Variants in USP43 observed in about 807,000 individuals in gnomAD.
USP43 encodes the protein ubiquitin carboxyl-terminal hydrolase 43.
USP43 carries 33 observed loss-of-function variants against 90.7 expected under a neutral mutation model. The ratio of observed to expected loss-of-function variants is 0.36; its 90% confidence interval spans 0.28 to 0.49. The LOEUF (loss-of-function observed/expected upper bound fraction) is 0.49. Ranked by LOEUF, USP43 falls within the 20% of genes least tolerant of loss-of-function variation. USP43 has a pLI of 0.98. For synonymous variants in USP43, 598 were observed against 615.8 expected (o/e 0.97, Z 0.43); for missense variants, 1,274 against 1,476.4 (o/e 0.86, Z 2.25).
chr17:9,681,462 T>TTTTTTATATATATATATA (rs1491455898), intron 6 of USP43, among the ~76,000 whole-genome samples: 2 of 18,580 alleles, frequency 1.1e-4, no homozygotes, highest in African/African-American at 2.6e-4. Context: ...ATAAAATATA[T>TTTTTTATATATATATATA]TATATATATA....
In USP43 at chr17:9,702,746, G is replaced by A. The variant is rs188509408; in HGVS notation, c.2011+1046G>A. On this transcript the variant is annotated intron_variant, in intron 12 of 14. Transcript: ENST00000285199. Reference sequence around the variant, plus strand: ...GCTGCGGCAATTGAGTGTCTCCACCGTGCAGATAGTGTGGAGGGTCATCGG... The same window carrying A: ...GCTGCGGCAATTGAGTGTCTCCACCATGCAGATAGTGTGGAGGGTCATCGG... Among the ~76,000 whole-genome samples, 8 of 152,326 alleles carry A rather than the reference G, an allele frequency of 5.3e-5. 1 individual carries two copies. The highest frequency in any genetic ancestry group is 1.4e-4 in the African/African-American group (6 of 41,572).
At chr17:9,720,931 C>G (rs1916921009) in intron 14 of USP43, among the ~76,000 whole-genome samples, 1 of 152,196 alleles carries the variant, frequency 6.6e-6, no homozygotes, top group Admixed American at 6.5e-5. Context: ...CAGCAGCTCT[C>G]TGTATAGAAA....
At chr17:9,706,721 G>C (rs1282885575) in intron 12 of USP43, among the ~76,000 whole-genome samples, 12 of 132,800 alleles carry the variant, frequency 9.0e-5, no homozygotes, top group Non-Finnish European at 1.7e-4. Context: ...TCGGCTCACT[G>C]CAACCTCTGC....
At chr17:9,684,951 G>A (rs1309500810) in intron 7 of USP43, among the ~76,000 whole-genome samples, 3 of 152,144 alleles carry the variant, frequency 2.0e-5, no homozygotes, top group Admixed American at 1.3e-4. Flanking sequence ...AGTTTGGGAA[G>A]AAAGAGCTTT....
At chr17:9,649,403 G>T (rs1911699410) in intron 1 of USP43, among the ~76,000 whole-genome samples, 1 of 151,596 alleles carries the variant, frequency 6.6e-6, no homozygotes, top group Admixed American at 6.6e-5. Flanking sequence ...AGATTCAGTG[G>T]GTACATGTGC....
At chr17:9,727,637 A>G (rs1447384131) in intron 14 of USP43, among the ~76,000 whole-genome samples, 1 of 152,172 alleles carries the variant, frequency 6.6e-6, no homozygotes, top group African/African-American at 2.4e-5. Context: ...TTAAAGATAG[A>G]TGAAACTGAT....
chr17:9,652,212 C>CAAAAA (rs769295315), intron 1 of USP43, among the ~76,000 whole-genome samples: 20 of 41,754 alleles, frequency 4.8e-4, no homozygotes, highest in Admixed American at 7.7e-4. Context: ...GCCCTTAGCG[C>CAAAAA]AAAAAAAAAA....
At chr17:9,724,615 G>A (rs1264976625) in intron 14 of USP43, among the ~76,000 whole-genome samples, 3 of 151,778 alleles carry the variant, frequency 2.0e-5, no homozygotes, top group Admixed American at 6.6e-5. Context: ...GGGAGGTGGA[G>A]GTTGCAGTGA....
intron 3 of USP43, among the ~76,000 whole-genome samples, chr17:9,673,328 A>C (rs1913562206): frequency 6.6e-6 from 1 of 152,114 alleles, no homozygotes; most frequent in African/African-American, 2.4e-5. Context: ...AACATAGTGA[A>C]TCCCCCGTCT....
intron 8 of USP43, among the ~76,000 whole-genome samples, chr17:9,689,966 T>G (rs963570976): frequency 6.6e-6 from 1 of 152,188 alleles, no homozygotes; most frequent in African/African-American, 2.4e-5. Flanking sequence ...GTCATCTTAC[T>G]TCCAGACGTT....
intron 12 of USP43, among the ~76,000 whole-genome samples, chr17:9,706,333 C>A (rs1276980831): frequency 1.3e-5 from 2 of 152,118 alleles, no homozygotes; most frequent in Non-Finnish European, 2.9e-5. Context: ...TTTTGCCATG[C>A]AGAAAGTTTT....
At chr17:9,652,960 C>T (rs964157805) in intron 1 of USP43, among the ~76,000 whole-genome samples, 4 of 151,804 alleles carry the variant, frequency 2.6e-5, no homozygotes, top group African/African-American at 4.8e-5. Flanking sequence ...CTTCTATGAC[C>T]GGATTATTAT....
intron 12 of USP43, among the ~76,000 whole-genome samples, chr17:9,706,253 T>C (rs947644306): frequency 6.6e-5 from 10 of 152,242 alleles, no homozygotes; most frequent in Non-Finnish European, 1.5e-4. Context: ...TTCACCTCTT[T>C]TCTGTAATAT....
intron 12 of USP43, among the ~76,000 whole-genome samples, chr17:9,707,016 C>G (rs1345555885): frequency 2.0e-5 from 3 of 152,128 alleles, no homozygotes; most frequent in Admixed American, 6.5e-5. Context: ...TGGTAACTTT[C>G]AAGCTGCCAT....
At position 9,728,339 on chromosome 17, in the gene USP43, T is replaced by A. The variant is rs1455136185; in HGVS notation, c.2721T>A (p.Asp907Glu). 6.2e-7 allele frequency: 1 copy of A among 1,612,158 alleles called. No homozygotes were observed. The highest frequency in any genetic ancestry group is 8.5e-7 in the Non-Finnish European group (1 of 1,179,138). Residue 907 changes from aspartate (D) to glutamate (E), a missense_variant, in exon 15 of 15, where the codon GAT (aspartate) becomes GAA (glutamate). Asp to Glu is a conservative substitution (Grantham distance 45). Coordinates refer to ENST00000285199, the MANE Select transcript of USP43 (RefSeq NM_153210.5). The surrounding 1 kb of genome is among the most constrained non-coding windows in gnomAD (Gnocchi z 6.2). ...ACTGTCTGGCCCCTGGAAACTCAGA[T>A]GGTCCAAACACAGCAAGGAAACTCA... ...PNHCLAPGNS[D>E]GPNTARKLKE...
At chr17:9,689,949 C>T (rs1265067266) in intron 8 of USP43, among the ~76,000 whole-genome samples, 1 of 152,136 alleles carries the variant, frequency 6.6e-6, no homozygotes, top group African/African-American at 2.4e-5. Flanking sequence ...CAATCAAAGC[C>T]CCTGAAGTCA....
Position 9,646,125 on chromosome 17 carries a change from G to A in USP43, c.493G>A (p.Ala165Thr). 1 of 1,469,652 alleles carries A rather than the reference G, an allele frequency of 6.8e-7. No individual in the cohort carries two copies. The highest frequency in any genetic ancestry group is 9.0e-7 in the Non-Finnish European group (1 of 1,114,074). 91.0% of individuals were successfully genotyped at this position (1,469,652 alleles called of 1,614,324 possible). The change falls in exon 1 of 15, where the codon GCG becomes ACG. Residue 165 changes from alanine (A) to threonine (T), a missense_variant. Around this residue, in one of 6 missense-constraint regions of USP43, gnomAD observed 259 missense variants for 373.7 expected, o/e 0.69. Coordinates refer to ENST00000285199, the MANE Select transcript of USP43 (RefSeq NM_153210.5). ...TCGCGAATACACGCCCCAACTTTCC[G>A]CGGAGTTCAAGGTAGGCAGCGCTGC... ...WTREYTPQLSAEFKNAVSKYG... is the reference protein window; with the variant it reads ...WTREYTPQLSTEFKNAVSKYG...
intron 12 of USP43, among the ~76,000 whole-genome samples, chr17:9,707,557 G>A (rs1370200912): frequency 6.7e-6 from 1 of 148,868 alleles, no homozygotes; most frequent in Non-Finnish European, 1.5e-5. Flanking sequence ...TGAGGCAGGA[G>A]AATGGCGTGA....
chr17:9,702,746 G>T (rs188509408), intron 12 of USP43, among the ~76,000 whole-genome samples: 5 of 152,326 alleles, frequency 3.3e-5, no homozygotes, highest in Non-Finnish European at 7.3e-5. Context: ...TGTCTCCACC[G>T]TGCAGATAGT....
Sources: allele counts gnomAD v4.1 joint callset (sites outside exome capture counted in the v4.1 genomes callset), GRCh38; gene constraint gnomAD v4.1.1; regional missense constraint gnomAD v4.1.1; non-coding constraint Gnocchi (gnomAD v3.1); transcripts MANE v1.5; gene names NCBI Gene and HGNC (gene_info 2026-07-23, HGNC 2026-07-21).